Variants in TMEM161B observed in about 807,000 individuals in gnomAD.
The protein encoded by TMEM161B is transmembrane protein 161B.
Under a neutral mutation model 61.8 loss-of-function variants are expected in TMEM161B, and 34 were observed. The observed-to-expected ratio is 0.55, with a 90% CI of 0.42 to 0.73. The LOEUF is 0.73. TMEM161B is among the 30% of genes least tolerant of loss of function. The pLI, the probability that TMEM161B is intolerant of heterozygous loss-of-function variation, is 0.00. For synonymous variants in TMEM161B, 167 were observed against 192.8 expected, an observed-to-expected ratio of 0.87 and a Z score of 1.11; for missense variants, 456 against 558.5, an observed-to-expected ratio of 0.82 and a Z score of 1.85.
chr5:88,241,218 A>G (rs1752683876), intron 1 of TMEM161B, among the ~76,000 whole-genome samples: 1 of 151,866 alleles, frequency 6.6e-6, no homozygotes, highest in African/African-American at 2.4e-5. Context: ...AGACGATTTC[A>G]AGTATATAGG....
At chr5:88,209,271 G>C (rs1245654724) in intron 5 of TMEM161B, among the ~76,000 whole-genome samples, 1 of 152,136 alleles carries the variant, frequency 6.6e-6, no homozygotes, top group Non-Finnish European at 1.5e-5. Context: ...TTAAGATACA[G>C]CTATGATCTC....
intron 5 of TMEM161B, among the ~76,000 whole-genome samples, chr5:88,210,154 C>T (rs1404450158): frequency 3.3e-5 from 5 of 152,218 alleles, no homozygotes; most frequent in East Asian, 3.9e-4. Context: ...TTAGTTTCTT[C>T]ATTTGTAAAA....
At chr5:88,244,551 T>C (rs1326195971) in intron 1 of TMEM161B, among the ~76,000 whole-genome samples, 1 of 151,732 alleles carries the variant, frequency 6.6e-6, no homozygotes, top group Non-Finnish European at 1.5e-5. Context: ...GTGGTATAAT[T>C]TGAAGTCGAG....
At chr5:88,192,684 A>C (rs1561288182), downstream of TMEM161B, among the ~76,000 whole-genome samples, 1 of 152,172 alleles carries the variant, frequency 6.6e-6, no homozygotes, top group Non-Finnish European at 1.5e-5. Context: ...TCCTTAAGAC[A>C]CCTAAATCTT....
At chr5:88,209,050 G>A (rs972392942) in intron 5 of TMEM161B, among the ~76,000 whole-genome samples, 8 of 152,126 alleles carry the variant, frequency 5.3e-5, no homozygotes, top group African/African-American at 1.7e-4. Flanking sequence ...ATGAGGCCCA[G>A]TGTAAAGTCT....
At chr5:88,226,628 A>T (rs1750097979) in intron 3 of TMEM161B, among the ~76,000 whole-genome samples, 1 of 152,198 alleles carries the variant, frequency 6.6e-6, no homozygotes, top group South Asian at 2.1e-4. Flanking sequence ...CAATACTGAA[A>T]AACAACTTTG....
chr5:88,197,623 TA>T, intron 11 of TMEM161B, 45 bp downstream of exon 11: 2 of 1,440,964 alleles, frequency 1.4e-6, no homozygotes, highest in Non-Finnish European at 1.9e-6. Context: ...TTATTAATTA[TA>T]GGTAGAAAGT....
At chr5:88,266,035 A>C (rs1191455839) in intron 1 of TMEM161B, among the ~76,000 whole-genome samples, 1 of 152,256 alleles carries the variant, frequency 6.6e-6, no homozygotes, top group African/African-American at 2.4e-5. Flanking sequence ...TTCCATTAGT[A>C]AATTTCCTAT....
downstream of TMEM161B, among the ~76,000 whole-genome samples, chr5:88,191,689 G>C (rs1209538351): frequency 6.6e-6 from 1 of 151,858 alleles, no homozygotes; most frequent in Non-Finnish European, 1.5e-5. Context: ...CAGGCGCGGT[G>C]GCCCACGCCT....
At chr5:88,226,729 G>A (rs1195363069) in intron 3 of TMEM161B, among the ~76,000 whole-genome samples, 1 of 152,116 alleles carries the variant, frequency 6.6e-6, no homozygotes, top group African/African-American at 2.4e-5. Context: ...CTAGGAACAA[G>A]GCAGCAATGT....
In TMEM161B at chr5:88,218,513, C is replaced by T. The variant is rs368605795; in HGVS notation, c.446+2050G>A. Among the ~76,000 whole-genome samples, 97 of 152,178 alleles carry T rather than the reference C, an allele frequency of 6.4e-4. 1 individual carries two copies. The highest frequency in any genetic ancestry group is 2.1e-3 in the African/African-American group (88 of 41,528). On this transcript the variant is annotated intron_variant, in intron 5 of 11. Transcript: ENST00000296595. Reference sequence around the variant, plus strand: ...TTTAAAAAAAAATCAGATGGCTGGGCGCAATGGCTTACACCTGTAATCTCA... The same window carrying T: ...TTTAAAAAAAAATCAGATGGCTGGGTGCAATGGCTTACACCTGTAATCTCA...
chr5:88,267,970 G>A (rs1474776941), intron 1 of TMEM161B, among the ~76,000 whole-genome samples: 3 of 152,058 alleles, frequency 2.0e-5, no homozygotes, highest in African/African-American at 7.2e-5. Context: ...CAGAATACAT[G>A]GGCTCAGGGT....
At position 88,207,017 on chromosome 5, in the gene TMEM161B, T is replaced by G; in HGVS notation, c.598+12A>C. On this transcript the variant is annotated intron_variant, in intron 6 of 11. Transcript: ENST00000296595. ...AGCAAAATTGATTTTTAAAGTTGTA[T>G]GAAACTATTACCTGTTTCAAGTCCA... 6.2e-7 allele frequency: 1 copy of G among 1,610,108 alleles called. No individual in the cohort carries two copies. Among genetic ancestry groups the G allele is most frequent in the Non-Finnish European group, 8.5e-7 (1 of 1,178,850 alleles).
At chr5:88,196,518 G>C (rs777155981) in intron 11 of TMEM161B, 30 bp from the exon 12 acceptor site, 2 of 1,521,718 alleles carry the variant, frequency 1.3e-6, no homozygotes, top group Non-Finnish European at 8.8e-7. Context: ...AATACAATTT[G>C]AAGAGTAACT....
intron 5 of TMEM161B, among the ~76,000 whole-genome samples, chr5:88,212,721 C>T (rs546968384): frequency 3.3e-5 from 5 of 152,228 alleles, no homozygotes; most frequent in Non-Finnish European, 5.9e-5. Context: ...CCCAGCTACT[C>T]AGGTGGCTGA....
rs1754219472 is a variant in TMEM161B, at chr5:88,250,665, G to T, written c.4-9749C>A. 5 of 152,310 alleles carry T rather than the reference G, an allele frequency of 3.3e-5. No individual in the cohort carries two copies. In the South Asian group the frequency reaches 8.3e-4, roughly 25 times the overall value. The allele number at this position is 152,310 out of a possible 1,614,324, so 9.4% of individuals were successfully genotyped here. ...TGTACACTCACCAGCCTAGTTTAAA[G>T]ACATCTTCCAGTAACTGTTTCTTCA... On this transcript the variant is annotated intron_variant, in intron 1 of 11. Coordinates refer to ENST00000296595, the MANE Select transcript of TMEM161B (RefSeq NM_153354.5).
intron 1 of TMEM161B, among the ~76,000 whole-genome samples, chr5:88,266,214 G>T (rs1231989161): frequency 6.6e-6 from 1 of 152,166 alleles, no homozygotes; most frequent in African/African-American, 2.4e-5. Context: ...TGAGAGCACA[G>T]AATTAGTTTA....
At chr5:88,264,468 C>A (rs745758987) in intron 1 of TMEM161B, among the ~76,000 whole-genome samples, 11 of 152,138 alleles carry the variant, frequency 7.2e-5, no homozygotes, top group Non-Finnish European at 1.6e-4. Context: ...AATAGGAACG[C>A]TTTTACACTG....
At chr5:88,191,245 A>T (rs1748809112), downstream of TMEM161B, among the ~76,000 whole-genome samples, 1 of 152,194 alleles carries the variant, frequency 6.6e-6, no homozygotes, top group Non-Finnish European at 1.5e-5. Flanking sequence ...CAAACGGAAA[A>T]TGATGTCAGC....
Sources: gnomAD v4.1 joint callset for allele counts (sites outside exome capture counted in the v4.1 genomes callset) on GRCh38, gnomAD v4.1.1 for gene constraint, MANE v1.5 for transcripts, NCBI Gene and HGNC (gene_info 2026-07-23, HGNC 2026-07-21) for gene names.